ATP8B4: variants seen among roughly 807,000 people sequenced by gnomAD.
ATP8B4 encodes the protein ATPase phospholipid transporting 8B4 (putative).
Under a neutral mutation model 145.6 loss-of-function variants are expected in ATP8B4, and 133 were observed. That is an observed-to-expected ratio of 0.91 (90% CI 0.79 to 1.05). The LOEUF is 1.05. Among genes scored for constraint, ATP8B4 ranks in the 50% least tolerant of loss-of-function variants. ATP8B4 has a pLI of 0.00. For missense variants in ATP8B4, 1,458 were observed against 1,425.2 expected, an observed-to-expected ratio of 1.02 and a Z score of -0.37; for synonymous variants, 507 against 492.9, an observed-to-expected ratio of 1.03 and a Z score of -0.38.
intron 1 of ATP8B4, among the ~76,000 whole-genome samples, chr15:50,149,876 G>A (rs1041139487): frequency 3.9e-5 from 6 of 152,114 alleles, no homozygotes; most frequent in East Asian, 1.9e-4. Context: ...CAAGGTAGGC[G>A]GATCACCTGA....
At chr15:50,053,916 A>C (rs1304305352) in intron 3 of ATP8B4, among the ~76,000 whole-genome samples, 3 of 152,264 alleles carry the variant, frequency 2.0e-5, no homozygotes, top group Non-Finnish European at 4.4e-5. Flanking sequence ...CTATATTAGC[A>C]AACATTTGGA....
In ATP8B4 at chr15:49,972,570, T is replaced by C. The variant is rs949554960; in HGVS notation, c.1243+12A>G. On this transcript the variant is annotated intron_variant, in intron 13 of 27. Coordinates refer to ENST00000284509, the MANE Select transcript of ATP8B4 (RefSeq NM_024837.4). ...AACAATATCGTTAAGAGAAAGGAAC[T>C]GTTTCTCTTACCATAGATTCTCCCA... 1.2e-5 allele frequency: 19 copies of C among 1,603,774 alleles called. No individual in the cohort carries two copies. Among genetic ancestry groups the C allele is most frequent in the Non-Finnish European group, 1.6e-5 (19 of 1,171,658 alleles).
At chr15:50,088,263 G>A (rs759908864) in intron 2 of ATP8B4, among the ~76,000 whole-genome samples, 19 of 151,780 alleles carry the variant, frequency 1.3e-4, no homozygotes, top group African/African-American at 4.1e-4. Context: ...GGCGTCTGTA[G>A]TCCCAGCTAC....
At chr15:50,143,636 A>T (rs1044719370) in intron 1 of ATP8B4, among the ~76,000 whole-genome samples, 3 of 152,220 alleles carry the variant, frequency 2.0e-5, no homozygotes, top group Non-Finnish European at 4.4e-5. Context: ...CATGAGTACC[A>T]GGCAGCATGA....
intron 3 of ATP8B4, among the ~76,000 whole-genome samples, chr15:50,055,332 A>G (rs891948847): frequency 1.3e-5 from 2 of 152,334 alleles, no homozygotes; most frequent in Non-Finnish European, 2.9e-5. Context: ...ACTCTCAACC[A>G]ACCAAACACC....
At chr15:50,087,293 A>C (rs2055254549) in intron 2 of ATP8B4, among the ~76,000 whole-genome samples, 1 of 134,946 alleles carries the variant, frequency 7.4e-6, no homozygotes, top group Admixed American at 7.7e-5. Context: ...TAATATATAG[A>C]TCTATATCTA....
intron 14 of ATP8B4, among the ~76,000 whole-genome samples, chr15:49,944,046 A>C (rs28856727): frequency 0.38 from 57,413 of 151,770 alleles, 11,502 homozygotes; most frequent in African/African-American, 0.42. Context: ...TCCAAGGCAA[A>C]CAGAAAAAGT....
At chr15:50,003,794 G>A (rs879624741) in intron 7 of ATP8B4, among the ~76,000 whole-genome samples, 6 of 152,074 alleles carry the variant, frequency 3.9e-5, no homozygotes, top group Non-Finnish European at 7.4e-5. Context: ...TTTGAAACTC[G>A]AATCCAGTGT....
At chr15:49,908,077 A>G (rs2038819613) in intron 20 of ATP8B4, 1 of 455,984 alleles carries the variant, frequency 2.2e-6, no homozygotes, top group Non-Finnish European at 4.4e-6. Context: ...CATATGTCCA[A>G]CAGGGAAAAC....
intron 1 of ATP8B4, among the ~76,000 whole-genome samples, chr15:50,138,071 A>G (rs2044147186): frequency 6.6e-6 from 1 of 152,184 alleles, no homozygotes; most frequent in Non-Finnish European, 1.5e-5. Flanking sequence ...ATCCTTCAGC[A>G]ATCTGTAAAC....
At chr15:50,181,312 G>A (rs993391499) in intron 1 of ATP8B4, among the ~76,000 whole-genome samples, 3 of 152,220 alleles carry the variant, frequency 2.0e-5, no homozygotes, top group African/African-American at 7.2e-5. Context: ...TCGTACAGAA[G>A]TAGCACTAAG....
At chr15:49,978,809 A>C (rs529308108) in intron 12 of ATP8B4, among the ~76,000 whole-genome samples, 2 of 89,186 alleles carry the variant, frequency 2.2e-5, no homozygotes, top group South Asian at 4.9e-4. Flanking sequence ...TATATAAATA[A>C]AGAGGGGTGT....
At chr15:50,158,766 ATTC>A (rs1216200489) in intron 1 of ATP8B4, among the ~76,000 whole-genome samples, 1 of 152,212 alleles carries the variant, frequency 6.6e-6, no homozygotes, top group Non-Finnish European at 1.5e-5. Context: ...ACTAAGAAAA[ATTC>A]TTCTGCCTTG....
chr15:50,067,672 T>C (rs1174943991), intron 3 of ATP8B4, among the ~76,000 whole-genome samples: 1 of 152,142 alleles, frequency 6.6e-6, no homozygotes, highest in Non-Finnish European at 1.5e-5. Context: ...TCCTTGAAGG[T>C]AGAAAGCAGA....
At chr15:50,017,349 C>T (rs958235439) in intron 6 of ATP8B4, among the ~76,000 whole-genome samples, 21 of 152,210 alleles carry the variant, frequency 1.4e-4, no homozygotes, top group Admixed American at 4.6e-4. Context: ...ATATGAAGAA[C>T]ATATTTTGAT....
intron 25 of ATP8B4, among the ~76,000 whole-genome samples, chr15:49,872,131 G>C (rs943547472): frequency 2.0e-5 from 3 of 152,148 alleles, no homozygotes; most frequent in African/African-American, 7.2e-5. Context: ...AGTAATAATT[G>C]TGCTGTAGGA....
At chr15:49,993,080 C>A (rs2047160832) in intron 9 of ATP8B4, among the ~76,000 whole-genome samples, 2 of 152,084 alleles carry the variant, frequency 1.3e-5, no homozygotes, top group Non-Finnish European at 1.5e-5. Context: ...GAACGAGGAG[C>A]AAAGGATCAA....
intron 3 of ATP8B4, among the ~76,000 whole-genome samples, chr15:50,057,847 G>A (rs1486335484): frequency 1.3e-5 from 2 of 152,136 alleles, no homozygotes; most frequent in Non-Finnish European, 2.9e-5. Context: ...ATAATTATCA[G>A]GGGAACAAAT....
At chr15:49,915,189 G>A (rs1206342266) in intron 20 of ATP8B4, among the ~76,000 whole-genome samples, 1 of 152,106 alleles carries the variant, frequency 6.6e-6, no homozygotes, top group Non-Finnish European at 1.5e-5. Context: ...CGGGTTCCAT[G>A]TTAAGTCAAA....
Sources: allele counts gnomAD v4.1 joint callset (sites outside exome capture counted in the v4.1 genomes callset), GRCh38; gene constraint gnomAD v4.1.1; transcripts MANE v1.5; gene names NCBI Gene and HGNC (gene_info 2026-07-23, HGNC 2026-07-21).